CRISPLD2: variants seen among roughly 807,000 people sequenced by gnomAD.
The protein encoded by CRISPLD2 is cysteine-rich secretory protein LCCL domain-containing 2.
CRISPLD2 carries 47 observed loss-of-function variants against 71.1 expected under a neutral mutation model. The ratio of observed to expected loss-of-function variants is 0.66; its 90% CI spans 0.52 to 0.84. The LOEUF is 0.84. CRISPLD2 is among the 40% of genes least tolerant of loss of function. The pLI is 0.00. For synonymous variants in CRISPLD2, 317 were observed against 250.1 expected, an observed-to-expected ratio of 1.27 and a Z score of -2.52; for missense variants, 830 against 651.1, an observed-to-expected ratio of 1.27 and a Z score of -2.99.
At chr16:84,857,006 C>G (rs902876507) in intron 6 of CRISPLD2, among the ~76,000 whole-genome samples, 11 of 152,202 alleles carry the variant, frequency 7.2e-5, no homozygotes, top group Non-Finnish European at 1.6e-4. Context: ...TGAGGACAAA[C>G]CTCTGCACTT....
In CRISPLD2 at chr16:84,906,929, G is replaced by A. The variant is rs560803451; in HGVS notation, c.*287G>A. 4.2e-6 allele frequency: 2 copies of A among 476,096 alleles called. No individual in the cohort carries two copies. The highest frequency in any genetic ancestry group is 3.7e-5 in the Admixed American group (1 of 27,184). The allele number at this position is 476,096 out of a possible 1,614,324, so 29.5% of individuals were successfully genotyped here. Reference sequence around the variant, plus strand: ...TTAGAGATCTGAGCTGTCTCTTAAAGGGGACAGTTGCCCAAAATGTTCCTT... The same window carrying A: ...TTAGAGATCTGAGCTGTCTCTTAAAAGGGACAGTTGCCCAAAATGTTCCTT... On this transcript the variant is annotated 3_prime_UTR_variant, in exon 15 of 15. Coordinates refer to ENST00000262424, the MANE Select transcript of CRISPLD2 (RefSeq NM_031476.4).
chr16:84,843,831 T>G lies in CRISPLD2; in HGVS notation c.241-1955T>G, dbSNP rs77645830. ...GGTTGTGAAAGACTTCCTGGTTGTGTGACCTCAGGCATGCTACTTAACCTC... is the reference window on the plus strand; with the variant it reads ...GGTTGTGAAAGACTTCCTGGTTGTGGGACCTCAGGCATGCTACTTAACCTC... On this transcript the variant is annotated intron_variant, in intron 2 of 14. Coordinates refer to ENST00000262424, the MANE Select transcript of CRISPLD2 (RefSeq NM_031476.4). 3.8e-3 allele frequency among the ~76,000 whole-genome samples: 576 copies of G among 152,324 alleles called. 4 individuals are homozygous for G. Among genetic ancestry groups the G allele is most frequent in the African/African-American group, 0.013 (546 of 41,588 alleles).
chr16:84,861,497 A>G (rs1042520484), intron 6 of CRISPLD2, among the ~76,000 whole-genome samples: 1 of 152,224 alleles, frequency 6.6e-6, no homozygotes, highest in African/African-American at 2.4e-5. Context: ...ACAAAGATGT[A>G]GGTTGAGAGG....
chr16:84,823,076 T>C (rs1916267921), intron 1 of CRISPLD2, among the ~76,000 whole-genome samples: 1 of 152,222 alleles, frequency 6.6e-6, no homozygotes, highest in Admixed American at 6.5e-5. Flanking sequence ...AACTTGCTTA[T>C]TCTGGACATT....
intron 2 of CRISPLD2, chr16:84,839,092 G>T (rs888783580): frequency 3.1e-5 from 12 of 385,078 alleles, no homozygotes; most frequent in Non-Finnish European, 5.6e-5. Flanking sequence ...TTGCTACGTT[G>T]CCCAGGCTGG....
intron 1 of CRISPLD2, among the ~76,000 whole-genome samples, chr16:84,827,345 C>T (rs1334681738): frequency 6.6e-6 from 1 of 152,060 alleles, no homozygotes; most frequent in Non-Finnish European, 1.5e-5. Flanking sequence ...CGCCCGACTT[C>T]CCTCCCTCGA....
rs766867945 is a variant in CRISPLD2 at position 84,889,337 on chromosome 16, G to T, written c.1413G>T (p.Ser471=). 1.2e-6 allele frequency: 2 copies of T among 1,613,664 alleles called. No individual in the cohort carries two copies. The highest frequency in any genetic ancestry group is 2.2e-5 in the East Asian group (1 of 44,854). The change falls in exon 14 of 15, where the codon TCG becomes TCT. Residue 471 remains serine (S), a synonymous_variant. Transcript: ENST00000262424. Reference sequence around the variant, plus strand: ...ATAAAAAGAAGACCTACGTGGGCTCGCTCAGGAATGGAGTTCAGTCTGAAA... The same window carrying T: ...ATAAAAAGAAGACCTACGTGGGCTCTCTCAGGAATGGAGTTCAGTCTGAAA... ...PVDKKKTYVG[S]LRNGVQSESL...
chr16:84,840,946 C>T (rs1456210856), intron 2 of CRISPLD2, among the ~76,000 whole-genome samples: 2 of 152,164 alleles, frequency 1.3e-5, no homozygotes. Context: ...GAGTGCCTCC[C>T]GTGTGCCCAG....
intron 13 of CRISPLD2, among the ~76,000 whole-genome samples, chr16:84,882,121 T>C (rs1207185134): frequency 6.6e-6 from 1 of 152,130 alleles, no homozygotes; most frequent in East Asian, 1.9e-4. Context: ...GGCTGAGGTT[T>C]TCAAATGATT....
chr16:84,828,939 G>A lies in CRISPLD2; in HGVS notation c.-75+8806G>A, dbSNP rs181205536. On this transcript the variant is annotated intron_variant, in intron 1 of 14. Transcript: ENST00000262424. ...ATCTTTTGTTAATTAGCTGGACGTG[G>A]TGGTGCGTGCCTGTAGTCCCAGCTA... 1.5e-3 allele frequency: 227 copies of A among 152,230 alleles called. 2 individuals are homozygous for A. Among genetic ancestry groups the A allele is most frequent in the African/African-American group, 5.3e-3 (219 of 41,516 alleles). 9.4% of individuals were successfully genotyped at this position (152,230 alleles called of 1,614,324 possible). A position where few individuals can be genotyped will look rare whatever the true frequency, so the allele number is the denominator to read the frequency against.
At chr16:84,836,597 C>T (rs567250968) in intron 1 of CRISPLD2, among the ~76,000 whole-genome samples, 5 of 152,158 alleles carry the variant, frequency 3.3e-5, no homozygotes, top group Admixed American at 1.3e-4. Flanking sequence ...TTCCAGGGGT[C>T]GGGAATGGGA....
intron 6 of CRISPLD2, among the ~76,000 whole-genome samples, chr16:84,866,050 A>T (rs1156562140): frequency 6.6e-6 from 1 of 152,106 alleles, no homozygotes; most frequent in Non-Finnish European, 1.5e-5. Flanking sequence ...GACTGGCAGG[A>T]GGAGAGAAGG....
chr16:84,886,323 T>C (rs1196615687), intron 13 of CRISPLD2, among the ~76,000 whole-genome samples: 2 of 152,224 alleles, frequency 1.3e-5, no homozygotes, highest in African/African-American at 4.8e-5. Context: ...CAGTGGATCC[T>C]GAGACACAGG....
At chr16:84,854,592 C>T (rs1917181604) in intron 5 of CRISPLD2, 137 bp from the exon 6 acceptor site, 3 of 681,776 alleles carry the variant, frequency 4.4e-6, no homozygotes, top group Non-Finnish European at 8.0e-6. Flanking sequence ...ATCTTTCCCG[C>T]TTCCCACAGC....
chr16:84,846,317 ATC>A (rs944298397), intron 3 of CRISPLD2, among the ~76,000 whole-genome samples: 1 of 150,436 alleles, frequency 6.6e-6, no homozygotes, highest in African/African-American at 2.5e-5. Context: ...CAGTGGCGCA[ATC>A]TCGGCTCACT....
intron 14 of CRISPLD2, 21 bp downstream of exon 14, chr16:84,889,384 C>A (rs745458012): frequency 6.3e-7 from 1 of 1,594,630 alleles, no homozygotes. Context: ...GTTCTCCAAC[C>A]CTTGACACCC....
intron 1 of CRISPLD2, among the ~76,000 whole-genome samples, chr16:84,823,286 C>T (rs1471221393): frequency 1.3e-5 from 2 of 152,184 alleles, no homozygotes; most frequent in African/African-American, 4.8e-5. Context: ...GCTGTTTCCA[C>T]CTTTGGCTTT....
At chr16:84,900,932 C>G (rs1402453167) in intron 14 of CRISPLD2, among the ~76,000 whole-genome samples, 1 of 151,510 alleles carries the variant, frequency 6.6e-6, no homozygotes, top group Non-Finnish European at 1.5e-5. Context: ...CACCCGTGGT[C>G]CCAGCTACTG....
intron 11 of CRISPLD2, among the ~76,000 whole-genome samples, chr16:84,874,868 T>C (rs1388954249): frequency 6.6e-6 from 1 of 152,196 alleles, no homozygotes; most frequent in East Asian, 1.9e-4. Flanking sequence ...AGTATGTACA[T>C]TGGTAATATA....
Sources: gnomAD v4.1 joint callset for allele counts (sites outside exome capture counted in the v4.1 genomes callset) on GRCh38, gnomAD v4.1.1 for gene constraint, MANE v1.5 for transcripts, NCBI Gene and HGNC (gene_info 2026-07-23, HGNC 2026-07-21) for gene names.